Variants in SPAG16 observed in about 807,000 individuals in gnomAD.
The protein encoded by SPAG16 is sperm associated antigen 16.
In SPAG16, 86 loss-of-function variants were observed where a neutral mutation model predicts 80.4. The observed-to-expected ratio is 1.07, with a 90% CI of 0.90 to 1.28. The LOEUF (loss-of-function observed/expected upper bound fraction) is 1.28, where lower values mean the gene tolerates loss of function less well. Among genes scored for constraint, SPAG16 ranks in the 50% most tolerant of loss-of-function variants. SPAG16 has a pLI of 0.00. For missense variants in SPAG16, 870 were observed against 765.3 expected, an observed-to-expected ratio of 1.14 and a Z score of -1.61; for synonymous variants, 294 against 265.9, an observed-to-expected ratio of 1.11 and a Z score of -1.03.
rs1576713083 is a variant in SPAG16 at position 214,298,145 on chromosome 2, C to CAT, written c.1721-111994_1721-111993insTA. Among the ~76,000 whole-genome samples, 289 of 17,186 alleles carry CAT rather than the reference C, an allele frequency of 0.017. 3 individuals carry two copies. In the South Asian group the frequency reaches 0.22, roughly 13 times the overall value. The allele number at this position is 17,186 out of a possible 152,430, so 11.3% of individuals were successfully genotyped here. On this transcript the variant is annotated intron_variant, in intron 15 of 15. Transcript: ENST00000331683. ...ACACACACACACACATACACATACA[C>CAT]ACACACACACATATACACACACACA...
intron 10 of SPAG16, among the ~76,000 whole-genome samples, chr2:213,859,216 A>AAAAAAAT (rs1559528013): frequency 3.3e-5 from 3 of 91,978 alleles, no homozygotes; most frequent in Non-Finnish European, 4.5e-5. Context: ...AAAAAAAAAA[A>AAAAAAAT]CTCAATGTCC....
At chr2:213,526,287 A>G (rs1307162451) in intron 10 of SPAG16, among the ~76,000 whole-genome samples, 2 of 152,210 alleles carry the variant, frequency 1.3e-5, no homozygotes, top group Non-Finnish European at 2.9e-5. Context: ...CAATATGACT[A>G]TGGAAGTACT....
At chr2:214,083,425 G>T (rs1460428523) in intron 13 of SPAG16, among the ~76,000 whole-genome samples, 1 of 152,010 alleles carries the variant, frequency 6.6e-6, no homozygotes, top group Non-Finnish European at 1.5e-5. Context: ...ATGGCTATGT[G>T]GGTAAGCCAT....
At chr2:213,321,214 G>A (rs2126147869) in intron 5 of SPAG16, among the ~76,000 whole-genome samples, 1 of 152,152 alleles carries the variant, frequency 6.6e-6, no homozygotes, top group East Asian at 1.9e-4. Flanking sequence ...ATAGCATTTA[G>A]TGATGTATCT....
rs572300080 is a variant in SPAG16 at position 214,333,076 on chromosome 2, A to G, written c.1721-77064A>G. ...AATGGCTGTAGGACCCTTTTAAGAGAGGACCAAGTGAATGACTACTGTATA... is the reference window on the plus strand; with the variant it reads ...AATGGCTGTAGGACCCTTTTAAGAGGGGACCAAGTGAATGACTACTGTATA... On this transcript the variant is annotated intron_variant, in intron 15 of 15. Transcript: ENST00000331683. Among the ~76,000 whole-genome samples the G allele has an allele frequency of 3.0e-4, 46 of 152,304 alleles. No individual in the cohort carries two copies. In the South Asian group the frequency reaches 9.5e-3, roughly 32 times the overall value.
chr2:214,116,348 A>G (rs147316179), intron 14 of SPAG16, among the ~76,000 whole-genome samples: 71 of 152,296 alleles, frequency 4.7e-4, no homozygotes, highest in African/African-American at 1.6e-3. Context: ...TATTCTCTCA[A>G]CCTGGGAGTC....
chr2:214,143,367 T>C (rs1302495847), intron 14 of SPAG16, among the ~76,000 whole-genome samples: 2 of 151,652 alleles, frequency 1.3e-5, no homozygotes, highest in Non-Finnish European at 2.9e-5. Flanking sequence ...TCTCATTTCA[T>C]AGGTATTTTT....
At chr2:214,023,284 A>G (rs941119673) in intron 13 of SPAG16, among the ~76,000 whole-genome samples, 1 of 151,870 alleles carries the variant, frequency 6.6e-6, no homozygotes, top group Non-Finnish European at 1.5e-5. Context: ...TTTCAGAGTA[A>G]TATTAACAAC....
intron 15 of SPAG16, among the ~76,000 whole-genome samples, chr2:214,371,303 C>A (rs768152816): frequency 6.6e-6 from 1 of 151,952 alleles, no homozygotes; most frequent in Non-Finnish European, 1.5e-5. Context: ...GAGGCCGAGG[C>A]GGGCAGATCA....
chr2:213,543,365 T>C (rs766321613), intron 10 of SPAG16, among the ~76,000 whole-genome samples: 3 of 152,036 alleles, frequency 2.0e-5, no homozygotes, highest in Non-Finnish European at 4.4e-5. Flanking sequence ...TGCAAGGAAC[T>C]TCTCTATTTT....
chr2:213,988,500 G>T (rs2046126677), intron 12 of SPAG16, among the ~76,000 whole-genome samples: 1 of 152,096 alleles, frequency 6.6e-6, no homozygotes, highest in East Asian at 1.9e-4. Flanking sequence ...TAGCTCAAAG[G>T]TTAAAGAGGA....
At position 213,701,814 on chromosome 2, in the gene SPAG16, G is replaced by A. The variant is rs933220309; in HGVS notation, c.1071-160671G>A. On this transcript the variant is annotated intron_variant, in intron 10 of 15. Coordinates refer to ENST00000331683, the MANE Select transcript of SPAG16 (RefSeq NM_024532.5). ...AATCAGCACTCTGTGTCTAGCTCAA[G>A]GTTTGTAAACGTGACAATCAGCACT... 3.9e-5 allele frequency among the ~76,000 whole-genome samples: 6 copies of A among 152,116 alleles called. No homozygotes were observed. The East Asian group carries it at 1.2e-3, about 29-fold the overall frequency.
At chr2:214,106,187 T>G (rs182476873) in intron 13 of SPAG16, among the ~76,000 whole-genome samples, 2 of 152,282 alleles carry the variant, frequency 1.3e-5, no homozygotes, top group Non-Finnish European at 2.9e-5. Context: ...ATATTACCAC[T>G]CAGTATACAA....
At position 213,836,897 on chromosome 2, in the gene SPAG16, A is replaced by C. The variant is rs138886326; in HGVS notation, c.1071-25588A>C. Among the ~76,000 whole-genome samples, 724 of 152,268 alleles carry C rather than the reference A, an allele frequency of 4.8e-3. 8 individuals carry two copies. The highest frequency in any genetic ancestry group is 0.017 in the African/African-American group (694 of 41,542). ...CCAAAGTGTTGGGATTACAGGCATG[A>C]GCCACCAGGCCCAGCCCAAATCTTA... On this transcript the variant is annotated intron_variant, in intron 10 of 15. Coordinates refer to ENST00000331683, the MANE Select transcript of SPAG16 (RefSeq NM_024532.5).
intron 11 of SPAG16, among the ~76,000 whole-genome samples, chr2:213,866,769 T>C (rs949809845): frequency 6.6e-6 from 1 of 152,196 alleles, no homozygotes; most frequent in Non-Finnish European, 1.5e-5. Flanking sequence ...CTAACATCTG[T>C]CTATGGAAGC....
intron 12 of SPAG16, among the ~76,000 whole-genome samples, chr2:213,934,341 A>AAAACTTGT (rs1186934592): frequency 6.6e-6 from 1 of 152,210 alleles, no homozygotes; most frequent in Non-Finnish European, 1.5e-5. Context: ...TGGGAAGCAG[A>AAAACTTGT]AAACTTGTAT....
chr2:213,286,655 C>A (rs55949963), intron 1 of SPAG16, among the ~76,000 whole-genome samples: 6 of 152,202 alleles, frequency 3.9e-5, no homozygotes, highest in African/African-American at 1.4e-4. Flanking sequence ...TCCTCTGCTT[C>A]GCACATATAC....
chr2:213,719,660 C>T (rs1048120117), intron 10 of SPAG16, among the ~76,000 whole-genome samples: 8 of 152,080 alleles, frequency 5.3e-5, no homozygotes, highest in South Asian at 2.1e-4. Context: ...CTAGTTAGAT[C>T]GGCAATCATT....
At chr2:214,272,283 A>G (rs984053624) in intron 15 of SPAG16, among the ~76,000 whole-genome samples, 6 of 151,944 alleles carry the variant, frequency 3.9e-5, no homozygotes, top group African/African-American at 1.4e-4. Context: ...TGTCTCTTAT[A>G]TCTGTATGGT....
Sources: allele counts gnomAD v4.1 joint callset (sites outside exome capture counted in the v4.1 genomes callset), GRCh38; gene constraint gnomAD v4.1.1; transcripts MANE v1.5; gene names NCBI Gene and HGNC (gene_info 2026-07-23, HGNC 2026-07-21).